The following NFXL1 variants were observed in gnomAD, a reference collection of about 807,000 sequenced individuals.
NFXL1 encodes NF-X1-type zinc finger protein NFXL1.
Under a neutral mutation model 123.3 loss-of-function variants are expected in NFXL1, and 66 were observed. The observed-to-expected ratio is 0.54, with a 90% CI of 0.44 to 0.66. The LOEUF is 0.66. Ranked by LOEUF, NFXL1 falls within the 30% of genes least tolerant of loss-of-function variation. The probability of loss-of-function intolerance (pLI) is 0.00; values close to 1 mark genes in which losing one functional copy is unlikely to be tolerated. For missense variants in NFXL1, 944 were observed against 1,125.6 expected (o/e 0.84, Z 2.31); for synonymous variants, 346 against 360.8 (o/e 0.96, Z 0.46).
At chr4:47,908,272 A>C (rs1055653189) in intron 3 of NFXL1, among the ~76,000 whole-genome samples, 1 of 152,132 alleles carries the variant, frequency 6.6e-6, no homozygotes, top group Non-Finnish European at 1.5e-5. Context: ...AATTCTAAAA[A>C]AATTAACCAG....
At chr4:47,858,882 T>C (rs1291835335) in intron 19 of NFXL1, among the ~76,000 whole-genome samples, 1 of 152,222 alleles carries the variant, frequency 6.6e-6, no homozygotes, top group African/African-American at 2.4e-5. Flanking sequence ...TATTTTTAGG[T>C]ATATATGTGA....
chr4:47,860,154 T>C (rs1734672850), intron 19 of NFXL1, among the ~76,000 whole-genome samples: 2 of 152,170 alleles, frequency 1.3e-5, no homozygotes, highest in Non-Finnish European at 2.9e-5. Flanking sequence ...AAAAAATGCA[T>C]ATATTAACTC....
intron 3 of NFXL1, among the ~76,000 whole-genome samples, chr4:47,908,470 T>G (rs1263909348): frequency 2.0e-5 from 3 of 148,568 alleles, no homozygotes; most frequent in African/African-American, 7.5e-5. Flanking sequence ...GCGTTTATGC[T>G]AACTAATGCT....
Position 47,863,840 on chromosome 4 carries a change from C to T in NFXL1, c.2247-925G>A, listed in dbSNP as rs191166550. Among the ~76,000 whole-genome samples, 540 of 152,266 alleles carry T rather than the reference C, an allele frequency of 3.5e-3. 2 individuals carry two copies. The highest frequency in any genetic ancestry group is 6.8e-3 in the Middle Eastern group (2 of 294). On this transcript the variant is annotated intron_variant, in intron 18 of 22. Transcript: ENST00000507489. ...CAACAGACACTGCCTAAGTCAGTAA[C>T]TAGTGACAATCTAAAACTCCCTATC...
intron 5 of NFXL1, among the ~76,000 whole-genome samples, chr4:47,901,324 T>C (rs1304881089): frequency 1.3e-5 from 2 of 152,206 alleles, no homozygotes; most frequent in African/African-American, 2.4e-5. Flanking sequence ...ATATGAAATA[T>C]GGAATGCAAA....
At chr4:47,914,601 A>G (rs1353966351), upstream of NFXL1, 2 of 172,520 alleles carry the variant, frequency 1.2e-5, no homozygotes, top group East Asian at 1.5e-4. Flanking sequence ...ACGGAAAGCT[A>G]CGTCTCCTTA....
At chr4:47,860,656 A>G (rs543437629) in intron 19 of NFXL1, among the ~76,000 whole-genome samples, 74 of 152,366 alleles carry the variant, frequency 4.9e-4, no homozygotes, top group African/African-American at 1.7e-3. Flanking sequence ...TTATCAGTAC[A>G]TCAGAATTTA....
At chr4:47,886,459 C>T (rs1263242227) in intron 12 of NFXL1, among the ~76,000 whole-genome samples, 1 of 151,982 alleles carries the variant, frequency 6.6e-6, no homozygotes, top group Non-Finnish European at 1.5e-5. Flanking sequence ...CCTCAACTTT[C>T]TGGGCTCAAG....
intron 15 of NFXL1, among the ~76,000 whole-genome samples, chr4:47,883,172 A>C (rs1050560737): frequency 5.3e-5 from 8 of 151,972 alleles, no homozygotes; most frequent in African/African-American, 1.9e-4. Context: ...TTGAACCTGG[A>C]AAGAGAAGGT....
intron 10 of NFXL1, among the ~76,000 whole-genome samples, chr4:47,895,270 A>T (rs928666477): frequency 2.0e-5 from 3 of 152,166 alleles, no homozygotes; most frequent in Non-Finnish European, 4.4e-5. Context: ...ATGGTAAATG[A>T]GCACTGGCTT....
chr4:47,896,699 T>A, intron 9 of NFXL1, 52 bp from the exon 10 acceptor site: 1 of 1,314,598 alleles, frequency 7.6e-7, no homozygotes, highest in East Asian at 2.4e-5. Context: ...TTATTAAACA[T>A]CAACAAAGTG....
chr4:47,885,956 A>G lies in NFXL1; in HGVS notation c.1587T>C (p.Asn529=), dbSNP rs759398310. 31 of 1,613,624 alleles carry G rather than the reference A, an allele frequency of 1.9e-5. No individual in the cohort carries two copies. In the South Asian group the frequency reaches 3.3e-4, roughly 17 times the overall value. Residue 529 remains asparagine, a synonymous_variant, in exon 13 of 23, where the codon AAT becomes AAC. Transcript: ENST00000507489. The part of the protein sequence containing the change: ...PCPETVDVKC[N]CGNTKVTVPC... ...GCACTGTCACCTTTGTATTGCCACA[A>G]TTACACTTCACATCTACGGTTTCTG...
chr4:47,897,990 CT>C lies in NFXL1; in HGVS notation c.1180del (p.Arg394GlyfsTer108). 2 of 1,609,428 alleles carry C rather than the reference CT, an allele frequency of 1.2e-6. No homozygotes were observed. The highest frequency in any genetic ancestry group is 1.7e-6 in the Non-Finnish European group (2 of 1,177,728). On this transcript the variant is annotated frameshift_variant, in exon 9 of 23. Coordinates refer to ENST00000507489, the MANE Select transcript of NFXL1 (RefSeq NM_001278624.2). LOFTEE classifies it high-confidence loss of function. ...ACGECPRSGK[R>X]FCPCQKSKFS... ...ACTTGATTTCTGACATGGACAGAAC[CT>C]TTTCCCAGATCGAGGACATTCTCCA...
intron 2 of NFXL1, among the ~76,000 whole-genome samples, chr4:47,913,605 C>A (rs1485643092): frequency 6.6e-6 from 1 of 152,180 alleles, no homozygotes; most frequent in Non-Finnish European, 1.5e-5. Flanking sequence ...TTTTTAAAAA[C>A]GACAAACAAC....
At chr4:47,879,362 T>C (rs1655118096) in intron 15 of NFXL1, among the ~76,000 whole-genome samples, 4 of 152,226 alleles carry the variant, frequency 2.6e-5, no homozygotes, top group Admixed American at 2.0e-4. Context: ...TACTTGGGTA[T>C]GAATTTAACA....
rs138592632 is a variant in NFXL1 at position 47,860,672 on chromosome 4, A to G, written c.2316+2174T>C. Among the ~76,000 whole-genome samples, 403 of 152,324 alleles carry G rather than the reference A, an allele frequency of 2.6e-3. 2 individuals are homozygous for G. The highest frequency in any genetic ancestry group is 9.0e-3 in the African/African-American group (374 of 41,576). ...TATCAGTACATCAGAATTTACCAGA[A>G]TCCCATACCTTAACTTTGAAGTACA... On this transcript the variant is annotated intron_variant, in intron 19 of 22. Transcript: ENST00000507489.
At chr4:47,862,288 T>C (rs1734811571) in intron 19 of NFXL1, among the ~76,000 whole-genome samples, 1 of 152,216 alleles carries the variant, frequency 6.6e-6, no homozygotes, top group African/African-American at 2.4e-5. Flanking sequence ...TATAGATGAA[T>C]GTTTTATATT....
chr4:47,898,028 A>G lies in NFXL1; in HGVS notation c.1143T>C (p.His381=), dbSNP rs1264088614. ...GAGGACATTCTCCACAAGCACCAACATGGCAAACTTGCTCACATGTGTGAT... is the reference window on the plus strand; with the variant it reads ...GAGGACATTCTCCACAAGCACCAACGTGGCAAACTTGCTCACATGTGTGAT... The part of the protein sequence containing the change: ...CGNHTCEQVC[H]VGACGECPRS... The change falls in exon 9 of 23, where the codon CAT becomes CAC. Residue 381 remains histidine (H), a synonymous_variant. Transcript: ENST00000507489. 6.2e-7 allele frequency: 1 copy of G among 1,612,840 alleles called. No homozygotes were observed. Among genetic ancestry groups the G allele is most frequent in the Non-Finnish European group, 8.5e-7 (1 of 1,179,528 alleles).
intron 3 of NFXL1, among the ~76,000 whole-genome samples, chr4:47,906,468 T>C (rs1158118439): frequency 6.6e-6 from 1 of 152,094 alleles, no homozygotes; most frequent in Non-Finnish European, 1.5e-5. Context: ...TGCCCTACCA[T>C]AAAATAAATA....
Sources: allele counts gnomAD v4.1 joint callset (sites outside exome capture counted in the v4.1 genomes callset), GRCh38; gene constraint gnomAD v4.1.1; transcripts MANE v1.5; gene names NCBI Gene and HGNC (gene_info 2026-07-23, HGNC 2026-07-21).